The following ARMC3 variants were observed in gnomAD, a reference collection of about 807,000 sequenced individuals.
ARMC3 encodes armadillo repeat-containing protein 3.
In ARMC3, 74 loss-of-function variants were observed where a neutral mutation model predicts 90.3. The ratio of observed to expected loss-of-function variants is 0.82; its 90% CI spans 0.68 to 0.99. The LOEUF (loss-of-function observed/expected upper bound fraction) is 0.99, where lower values mean the gene tolerates loss of function less well. ARMC3 is among the 50% of genes least tolerant of loss of function. The pLI is 0.00. For missense variants in ARMC3, 958 were observed against 1,042.8 expected, an observed-to-expected ratio of 0.92 and a Z score of 1.12; for synonymous variants, 334 against 361.8, an observed-to-expected ratio of 0.92 and a Z score of 0.87.
intron 16 of ARMC3, among the ~76,000 whole-genome samples, chr10:23,027,143 A>G (rs1838742830): frequency 6.6e-6 from 1 of 152,194 alleles, no homozygotes; most frequent in Admixed American, 6.5e-5. Flanking sequence ...AAGATTTTCT[A>G]TTATATGTCT....
At chr10:22,929,915 C>T (rs1223483043) in intron 1 of ARMC3, among the ~76,000 whole-genome samples, 2 of 152,320 alleles carry the variant, frequency 1.3e-5, no homozygotes, top group East Asian at 1.9e-4. Context: ...CATTGCAATA[C>T]TGTCTGTGTA....
At position 23,001,990 on chromosome 10, in the gene ARMC3, C is replaced by T. The variant is rs1433802289; in HGVS notation, c.1497C>T (p.His499=). Residue 499 remains histidine (H), a synonymous_variant, in exon 12 of 19, where the codon CAC becomes CAT. Transcript: ENST00000298032. ...LRSKNDEVRK[H]ASWAVMVCAG... ...CCAAGAATGATGAAGTGAGGAAGCA[C>T]GCCAGTTGGGCAGTGATGGTCTGTG... 5 of 1,613,916 alleles carry T rather than the reference C, an allele frequency of 3.1e-6. No homozygotes were observed. Among genetic ancestry groups the T allele is most frequent in the Non-Finnish European group, 4.2e-6 (5 of 1,179,834 alleles).
At chr10:22,968,731 G>C (rs1835552460) in intron 8 of ARMC3, among the ~76,000 whole-genome samples, 1 of 151,938 alleles carries the variant, frequency 6.6e-6, no homozygotes, top group Admixed American at 6.6e-5. Context: ...AGAACTCCTG[G>C]GCTCAAGCGA....
chr10:23,033,309 A>G (rs1838995012), intron 18 of ARMC3, among the ~76,000 whole-genome samples: 1 of 152,238 alleles, frequency 6.6e-6, no homozygotes, highest in East Asian at 1.9e-4. Context: ...GGCCTCTGCT[A>G]GGGCCTGAGA....
At position 22,961,638 on chromosome 10, in the gene ARMC3, C is replaced by A. The variant is rs182810480; in HGVS notation, c.538-246C>A. The A allele has an allele frequency of 7.9e-4, 300 of 379,502 alleles. 1 individual carries two copies. Among genetic ancestry groups the A allele is most frequent in the African/African-American group, 5.9e-3 (280 of 47,344 alleles). 23.5% of individuals were successfully genotyped at this position (379,502 alleles called of 1,614,324 possible). A position where few individuals can be genotyped will look rare whatever the true frequency, so the allele number is the denominator to read the frequency against. On this transcript the variant is annotated intron_variant, in intron 6 of 18. Transcript: ENST00000298032. Reference sequence around the variant, plus strand: ...TAATCAGGATTTGCTGTATAATAAACAATAGATAAAAGTCATAGATCATGT... The same window carrying A: ...TAATCAGGATTTGCTGTATAATAAAAAATAGATAAAAGTCATAGATCATGT...
At chr10:23,023,056 G>C (rs2131542786) in intron 16 of ARMC3, among the ~76,000 whole-genome samples, 1 of 152,184 alleles carries the variant, frequency 6.6e-6, no homozygotes, top group Non-Finnish European at 1.5e-5. Flanking sequence ...TGATAGTAGG[G>C]AGACATCTTG....
At chr10:23,015,223 G>C (rs1229436054) in intron 16 of ARMC3, among the ~76,000 whole-genome samples, 1 of 152,132 alleles carries the variant, frequency 6.6e-6, no homozygotes, top group Non-Finnish European at 1.5e-5. Context: ...TTGAAACTCT[G>C]TCTCCTGGGT....
At chr10:22,986,091 C>T (rs543408923) in intron 10 of ARMC3, among the ~76,000 whole-genome samples, 2 of 151,116 alleles carry the variant, frequency 1.3e-5, no homozygotes, top group Non-Finnish European at 2.9e-5. Context: ...TTCTGCACCC[C>T]CACACCCCTG....
At chr10:22,959,948 T>C in intron 6 of ARMC3, 1 of 402,386 alleles carries the variant, frequency 2.5e-6, no homozygotes, top group Non-Finnish European at 4.8e-6. Flanking sequence ...CCCTATTCAA[T>C]GTACTGAGAT....
intron 3 of ARMC3, among the ~76,000 whole-genome samples, chr10:22,952,846 C>T (rs894835944): frequency 2.0e-5 from 3 of 152,122 alleles, no homozygotes; most frequent in Non-Finnish European, 4.4e-5. Context: ...ATGACTTATT[C>T]CCAGATTGCA....
chr10:22,946,729 G>A (rs1242853046), intron 3 of ARMC3: 1 of 152,496 alleles, frequency 6.6e-6, no homozygotes, highest in African/African-American at 2.4e-5. Flanking sequence ...ACTTCAAGGA[G>A]GTGAAATGTA....
intron 2 of ARMC3, among the ~76,000 whole-genome samples, chr10:22,936,644 C>T (rs1366284298): frequency 6.6e-6 from 1 of 152,122 alleles, no homozygotes; most frequent in Non-Finnish European, 1.5e-5. Flanking sequence ...CTGACTTTCT[C>T]ATGGGAAAGC....
intron 1 of ARMC3, 26 bp from the exon 2 acceptor site, chr10:22,931,970 T>C (rs777141195): frequency 6.3e-7 from 1 of 1,587,414 alleles, no homozygotes. Flanking sequence ...AATGTCACTT[T>C]AACCATATAT....
At chr10:23,000,775 C>A (rs1295270779) in intron 11 of ARMC3, among the ~76,000 whole-genome samples, 2 of 152,180 alleles carry the variant, frequency 1.3e-5, no homozygotes, top group African/African-American at 2.4e-5. Context: ...ATGAGAGTGA[C>A]TGAAAGTGGA....
chr10:23,017,767 AAAAACAAAAC>A lies in ARMC3; in HGVS notation c.2045+8853_2045+8862del, dbSNP rs933078658. Among the ~76,000 whole-genome samples the A allele has an allele frequency of 3.2e-4, 48 of 152,380 alleles. No homozygotes were observed. The South Asian group carries it at 5.4e-3, about 17-fold the overall frequency. ...GGCAACAGAGCGAGACTTCGTCTCA[AAAAACAAAAC>A]AAAACAAAACAAAACAGGTAATTCA... On this transcript the variant is annotated intron_variant, in intron 16 of 18. Transcript: ENST00000298032.
intron 2 of ARMC3, among the ~76,000 whole-genome samples, chr10:22,943,933 CA>C (rs60419884): frequency 0.15 from 16,901 of 109,872 alleles, 2,337 homozygotes; most frequent in African/African-American, 0.4. Context: ...GACTCCATCT[CA>C]AAAAAAAAAA....
intron 16 of ARMC3, among the ~76,000 whole-genome samples, chr10:23,023,460 G>C (rs188158714): frequency 3.7e-4 from 56 of 152,150 alleles, no homozygotes; most frequent in African/African-American, 1.1e-3. Flanking sequence ...TGTCATATCA[G>C]GAACCAAGAA....
chr10:22,987,059 T>A (rs1362387970), intron 10 of ARMC3, among the ~76,000 whole-genome samples: 3 of 152,204 alleles, frequency 2.0e-5, no homozygotes, highest in Non-Finnish European at 2.9e-5. Context: ...ATGAATTTTA[T>A]AGAAAAATGT....
chr10:22,951,177 T>A (rs1834727034), intron 3 of ARMC3, among the ~76,000 whole-genome samples: 1 of 152,214 alleles, frequency 6.6e-6, no homozygotes, highest in African/African-American at 2.4e-5. Context: ...GACCTCGTGA[T>A]CCACCTGTCT....
Sources: allele counts gnomAD v4.1 joint callset (sites outside exome capture counted in the v4.1 genomes callset), GRCh38; gene constraint gnomAD v4.1.1; transcripts MANE v1.5; gene names NCBI Gene and HGNC (gene_info 2026-07-23, HGNC 2026-07-21).